The following ZNF569 variants were observed in gnomAD, a reference collection of about 807,000 sequenced individuals.
The protein encoded by ZNF569 is zinc finger protein 569.
ZNF569 carries 38 observed loss-of-function variants against 56.3 expected under a neutral mutation model. The observed-to-expected ratio is 0.68, with a 90% CI of 0.52 to 0.88. The LOEUF (loss-of-function observed/expected upper bound fraction) is 0.88. Ranked by LOEUF, ZNF569 falls within the 40% of genes least tolerant of loss-of-function variation. The probability of loss-of-function intolerance (pLI) is 0.00; values close to 1 mark genes in which losing one functional copy is unlikely to be tolerated. For synonymous variants in ZNF569, 241 were observed against 262.9 expected (o/e 0.92, Z 0.81); for missense variants, 666 against 809.2 (o/e 0.82, Z 2.15).
At chr19:37,425,636 C>CTT in intron 5 of ZNF569, 7 of 298,260 alleles carry the variant, frequency 2.3e-5, no homozygotes, top group South Asian at 1.3e-4. Flanking sequence ...TTTCTTTTCT[C>CTT]TTTTTTTTTT....
At chr19:37,431,716 C>T (rs2041227886) in intron 3 of ZNF569, 1 of 152,268 alleles carries the variant, frequency 6.6e-6, no homozygotes, top group Non-Finnish European at 1.5e-5. Context: ...GGTACAGCAC[C>T]AAGTGGGTTC....
chr19:37,431,301 T>C (rs1218880774), intron 3 of ZNF569, among the ~76,000 whole-genome samples: 2 of 152,026 alleles, frequency 1.3e-5, no homozygotes, highest in South Asian at 2.1e-4. Context: ...TCCTTCCACT[T>C]GAGAAGAGGA....
At chr19:37,440,878 A>G (rs868803524) in intron 3 of ZNF569, among the ~76,000 whole-genome samples, 1 of 152,168 alleles carries the variant, frequency 6.6e-6, no homozygotes, top group Non-Finnish European at 1.5e-5. Flanking sequence ...AAGAACAAAT[A>G]AATGTGATAT....
intron 5 of ZNF569, among the ~76,000 whole-genome samples, chr19:37,422,514 C>T (rs1477526735): frequency 1.3e-5 from 2 of 152,124 alleles, no homozygotes; most frequent in East Asian, 1.9e-4. Flanking sequence ...CAGACACACA[C>T]AGTGAGCACA....
At chr19:37,417,631 T>A (rs550768631) in intron 5 of ZNF569, among the ~76,000 whole-genome samples, 2 of 152,256 alleles carry the variant, frequency 1.3e-5, no homozygotes, top group African/African-American at 4.8e-5. Context: ...CATTAAAGCA[T>A]TTTAGACAAG....
intron 3 of ZNF569, among the ~76,000 whole-genome samples, chr19:37,438,577 C>T (rs531269407): frequency 6.6e-6 from 1 of 152,308 alleles, no homozygotes; most frequent in East Asian, 1.9e-4. Flanking sequence ...AGACCCCTAT[C>T]TCTTGCCATA....
In ZNF569 at chr19:37,467,389, A is replaced by G; in HGVS notation, c.-510T>C. 1 of 158,430 alleles carries G rather than the reference A, an allele frequency of 6.3e-6. No individual in the cohort carries two copies. Among genetic ancestry groups the G allele is most frequent in the South Asian group, 1.8e-4 (1 of 5,566 alleles). The allele number at this position is 158,430 out of a possible 1,614,324, so 9.8% of individuals were successfully genotyped here. The stretch of plus-strand genomic sequence containing the variant: ...GGCCTCCCGCGAGCCCAGCTCTGAG[A>G]GATTGGGAGCGCAACTTGGTGCTGA... On this transcript the variant is annotated 5_prime_UTR_variant, in exon 1 of 6. Transcript: ENST00000316950.
At chr19:37,415,122 A>G (rs956234354) in intron 5 of ZNF569, among the ~76,000 whole-genome samples, 2 of 152,168 alleles carry the variant, frequency 1.3e-5, no homozygotes, top group Non-Finnish European at 2.9e-5. Flanking sequence ...ATTTATGAAA[A>G]CCATTGTAAA....
chr19:37,426,168 A>C (rs2041128438), intron 4 of ZNF569, 84 bp downstream of exon 4: 1 of 1,462,630 alleles, frequency 6.8e-7, no homozygotes, highest in Non-Finnish European at 9.2e-7. Flanking sequence ...AATATTTAAA[A>C]GGTCCATGTA....
chr19:37,451,348 C>T (rs1475524512), intron 2 of ZNF569, among the ~76,000 whole-genome samples: 5 of 148,928 alleles, frequency 3.4e-5, no homozygotes, highest in Non-Finnish European at 7.4e-5. Context: ...TGCAGTGAGC[C>T]GAGATCGTGC....
At chr19:37,446,353 T>G (rs955488605) in intron 2 of ZNF569, among the ~76,000 whole-genome samples, 1 of 151,858 alleles carries the variant, frequency 6.6e-6, no homozygotes, top group Admixed American at 6.6e-5. Context: ...ATTGAGACCA[T>G]CCTGGCTAAC....
At chr19:37,415,751 G>T (rs1346703507) in intron 5 of ZNF569, among the ~76,000 whole-genome samples, 3 of 151,442 alleles carry the variant, frequency 2.0e-5, no homozygotes, top group African/African-American at 4.9e-5. Context: ...ATGGTGGCGG[G>T]CACCTCTAGT....
intron 2 of ZNF569, among the ~76,000 whole-genome samples, chr19:37,452,507 G>C (rs958905685): frequency 6.6e-6 from 1 of 151,936 alleles, no homozygotes; most frequent in Non-Finnish European, 1.5e-5. Context: ...CTTTGGTTTG[G>C]GAAAGTCTTT....
chr19:37,414,008 C>A lies in ZNF569; in HGVS notation c.650G>T (p.Ser217Ile), dbSNP rs370846456. The change falls in exon 6 of 6, where the codon AGT becomes ATT. Residue 217 changes from serine to isoleucine, a missense_variant. Transcript: ENST00000316950. ...IHTGEKPYECSNCRKAFSHKE... is the reference protein window; with the variant it reads ...IHTGEKPYECINCRKAFSHKE... ...GTGACTGAAGGCTTTTCTACAGTTA[C>A]TACATTCATAGGGCTTCTCTCCAGT... 3 of 1,613,144 alleles carry A rather than the reference C, an allele frequency of 1.9e-6. No homozygotes were observed. The Admixed American group carries it at 5.0e-5, about 27-fold the overall frequency.
intron 2 of ZNF569, among the ~76,000 whole-genome samples, chr19:37,458,796 A>G (rs1425692281): frequency 6.6e-6 from 1 of 152,248 alleles, no homozygotes; most frequent in African/African-American, 2.4e-5. Flanking sequence ...AGTTAGAAAA[A>G]GAGATGGGTA....
intron 2 of ZNF569, among the ~76,000 whole-genome samples, chr19:37,456,905 T>G (rs189387032): frequency 3.4e-5 from 5 of 147,694 alleles, no homozygotes; most frequent in South Asian, 2.2e-4. Context: ...GAGGCGGAGG[T>G]TGCAGTGAGT....
At chr19:37,420,290 A>G (rs2041012770) in intron 5 of ZNF569, among the ~76,000 whole-genome samples, 1 of 151,682 alleles carries the variant, frequency 6.6e-6, no homozygotes, top group Non-Finnish European at 1.5e-5. Context: ...GCCGGCCCCA[A>G]TTTCTTAAGA....
chr19:37,454,732 A>G, intron 2 of ZNF569: 1 of 660,996 alleles, frequency 1.5e-6, no homozygotes. Flanking sequence ...TGCAACCCCC[A>G]CCTCCCTAAT....
intron 5 of ZNF569, among the ~76,000 whole-genome samples, chr19:37,424,060 C>T (rs2041082862): frequency 1.3e-5 from 2 of 152,042 alleles, no homozygotes; most frequent in South Asian, 4.2e-4. Flanking sequence ...ATGTACATGA[C>T]AAATATATCA....
Sources: gnomAD v4.1 joint callset for allele counts (sites outside exome capture counted in the v4.1 genomes callset) on GRCh38, gnomAD v4.1.1 for gene constraint, MANE v1.5 for transcripts, NCBI Gene and HGNC (gene_info 2026-07-23, HGNC 2026-07-21) for gene names.